Variants in CFAP61 observed in about 807,000 individuals in gnomAD.
The protein encoded by CFAP61 is cilia- and flagella-associated protein 61.
In CFAP61, 107 loss-of-function variants were observed where a neutral mutation model predicts 135.6. That is an observed-to-expected ratio of 0.79 (90% CI 0.67 to 0.93). CFAP61 has a LOEUF of 0.93. CFAP61 is among the 40% of genes least tolerant of loss of function. The probability of loss-of-function intolerance (pLI) is 0.00; values close to 1 mark genes in which losing one functional copy is unlikely to be tolerated. For synonymous variants in CFAP61, 575 were observed against 578.5 expected (o/e 0.99, Z 0.09); for missense variants, 1,507 against 1,556.2 (o/e 0.97, Z 0.53).
At chr20:20,066,622 T>A (rs6081861) in intron 2 of CFAP61, among the ~76,000 whole-genome samples, 73,021 of 151,648 alleles carry the variant, frequency 0.48, 18,369 homozygotes, top group Non-Finnish European at 0.55. Flanking sequence ...GTGGGAGTTG[T>A]ACAATGAGAA....
intron 26 of CFAP61, among the ~76,000 whole-genome samples, chr20:20,347,085 G>C (rs1285489621): frequency 1.3e-5 from 2 of 152,168 alleles, no homozygotes; most frequent in Non-Finnish European, 2.9e-5. Context: ...CTGGAAATCA[G>C]TAACAGAAGG....
chr20:20,209,609 G>A (rs1246845762), intron 17 of CFAP61, among the ~76,000 whole-genome samples: 1 of 152,118 alleles, frequency 6.6e-6, no homozygotes. Flanking sequence ...TTCTAATTGA[G>A]CTGAGTCTCT....
At chr20:20,317,395 C>T (rs1404121185) in intron 25 of CFAP61, among the ~76,000 whole-genome samples, 4 of 152,216 alleles carry the variant, frequency 2.6e-5, no homozygotes, top group Non-Finnish European at 5.9e-5. Flanking sequence ...CGTCTTCAAC[C>T]TGGCACTGTG....
intron 8 of CFAP61, among the ~76,000 whole-genome samples, chr20:20,099,645 TAA>T (rs1367751416): frequency 1.3e-5 from 2 of 152,160 alleles, no homozygotes; most frequent in Non-Finnish European, 2.9e-5. Context: ...CAACACTCAA[TAA>T]ATGTTGATCA....
intron 8 of CFAP61, chr20:20,107,540 T>TA (rs2048496246): frequency 6.6e-6 from 1 of 152,238 alleles, no homozygotes; most frequent in Non-Finnish European, 1.5e-5. Flanking sequence ...AAAATTAGCA[T>TA]ACAGTAGTGG....
rs1300350804 is a variant in CFAP61 at position 20,296,096 on chromosome 20, T to G, written c.3217-2085T>G. Among the ~76,000 whole-genome samples, 15 of 13,814 alleles carry G rather than the reference T, an allele frequency of 1.1e-3. 3 individuals carry two copies. The highest frequency in any genetic ancestry group is 5.5e-3 in the East Asian group (3 of 544). The allele number at this position is 13,814 out of a possible 152,430, so 9.1% of individuals were successfully genotyped here. On this transcript the variant is annotated intron_variant, in intron 24 of 26. Coordinates refer to ENST00000245957, the MANE Select transcript of CFAP61 (RefSeq NM_015585.4). ...TCCCTCCTTTTCTTCCTTCTTTCCT[T>G]CCTTCCTTCCCTCCCTCCTTCCCTT...
chr20:20,172,825 G>T (rs6046690), intron 13 of CFAP61, among the ~76,000 whole-genome samples: 136,921 of 152,194 alleles, frequency 0.9, 62,409 homozygotes, highest in Middle Eastern at 0.99. Context: ...ATTAGGGTTC[G>T]CTGTTGGTGT....
intron 8 of CFAP61, among the ~76,000 whole-genome samples, chr20:20,120,764 C>T (rs890269744): frequency 2.0e-5 from 3 of 152,136 alleles, no homozygotes; most frequent in African/African-American, 7.2e-5. Context: ...TGCAGTCTAT[C>T]TCTCCCTTCA....
intron 25 of CFAP61, among the ~76,000 whole-genome samples, chr20:20,318,659 C>A (rs139099399): frequency 6.6e-6 from 1 of 152,096 alleles, no homozygotes; most frequent in African/African-American, 2.4e-5. Context: ...GATAGAGCAC[C>A]CTCTCTTGCC....
chr20:20,240,020 A>G (rs1488616543), intron 18 of CFAP61, among the ~76,000 whole-genome samples: 1 of 152,182 alleles, frequency 6.6e-6, no homozygotes, highest in Non-Finnish European at 1.5e-5. Flanking sequence ...ACTGGCTGCC[A>G]AATTCCTAGC....
At chr20:20,219,783 A>G (rs1233511034) in intron 17 of CFAP61, among the ~76,000 whole-genome samples, 1 of 152,196 alleles carries the variant, frequency 6.6e-6, no homozygotes, top group East Asian at 1.9e-4. Flanking sequence ...TGTATTATAA[A>G]CTTATATATG....
Position 20,343,048 on chromosome 20 carries a change from CAG to C in CFAP61, c.3513+1128_3513+1129del, listed in dbSNP as rs1435223619. On this transcript the variant is annotated intron_variant, in intron 26 of 26. Transcript: ENST00000245957. ...GCTAATTTTTGTATTTTTGGAGAGA[CAG>C]GGCACCATATTGGCCAGGCTGGTCT... Among the ~76,000 whole-genome samples the C allele has an allele frequency of 2.6e-5, 4 of 152,154 alleles. No individual in the cohort carries two copies. In the East Asian group the frequency reaches 5.8e-4, roughly 22 times the overall value.
At chr20:20,306,204 T>C (rs1321326368) in intron 25 of CFAP61, among the ~76,000 whole-genome samples, 1 of 152,240 alleles carries the variant, frequency 6.6e-6, no homozygotes, top group African/African-American at 2.4e-5. Context: ...TTTTCAGATA[T>C]TCATGCCAAA....
intron 17 of CFAP61, 60 bp from the exon 18 acceptor site, chr20:20,228,188 AG>A: frequency 6.7e-7 from 1 of 1,497,168 alleles, no homozygotes; most frequent in South Asian, 1.3e-5. Context: ...TGCAAATTTG[AG>A]GGTATGAACA....
chr20:20,115,879 C>T (rs144289084), intron 8 of CFAP61, among the ~76,000 whole-genome samples: 3 of 152,238 alleles, frequency 2.0e-5, no homozygotes, highest in East Asian at 1.9e-4. Context: ...TTGGCTATTG[C>T]GAATAGTGCT....
At chr20:20,244,665 A>G in intron 18 of CFAP61, among the ~76,000 whole-genome samples, 1 of 152,046 alleles carries the variant, frequency 6.6e-6, no homozygotes, top group East Asian at 1.9e-4. Flanking sequence ...CATTTTTTCC[A>G]TTGTCTTGGG....
intron 25 of CFAP61, among the ~76,000 whole-genome samples, chr20:20,304,636 C>T (rs1349980386): frequency 1.3e-5 from 2 of 151,924 alleles, no homozygotes; most frequent in Non-Finnish European, 2.9e-5. Flanking sequence ...GTGCCCCCGC[C>T]TGCCAACTCC....
chr20:20,238,451 G>A (rs1379988736), intron 18 of CFAP61, among the ~76,000 whole-genome samples: 1 of 152,178 alleles, frequency 6.6e-6, no homozygotes, highest in Non-Finnish European at 1.5e-5. Context: ...CATTTAGATC[G>A]ATGTGGGATA....
chr20:20,288,491 TTTTAGTATGTG>T, intron 22 of CFAP61, 107 bp from the exon 23 acceptor site: 1 of 782,190 alleles, frequency 1.3e-6, no homozygotes, highest in Non-Finnish European at 2.1e-6. Flanking sequence ...GATAGCAAAC[TTTTAGTATGTG>T]TATTTTTGTG....
Sources: allele counts gnomAD v4.1 joint callset (sites outside exome capture counted in the v4.1 genomes callset), GRCh38; gene constraint gnomAD v4.1.1; transcripts MANE v1.5; gene names NCBI Gene and HGNC (gene_info 2026-07-23, HGNC 2026-07-21).